Variants in ANXA3 observed in about 807,000 individuals in gnomAD.
The protein encoded by ANXA3 is annexin A3.
A neutral mutation model predicts 48.8 loss-of-function variants in ANXA3; 46 were observed. The ratio of observed to expected loss-of-function variants is 0.94; its 90% confidence interval spans 0.74 to 1.21. The LOEUF (loss-of-function observed/expected upper bound fraction) is 1.21, where lower values mean the gene tolerates loss of function less well. Ranked by LOEUF, ANXA3 falls within the 50% of genes most tolerant of loss-of-function variation. The pLI is 0.00. For missense variants in ANXA3, 383 were observed against 378.6 expected, an observed-to-expected ratio of 1.01 and a Z score of -0.10; for synonymous variants, 128 against 134.7, an observed-to-expected ratio of 0.95 and a Z score of 0.35.
chr4:78,554,462 AG>A lies in ANXA3; in HGVS notation c.-10del, dbSNP rs762816392. 6.2e-7 allele frequency: 1 copy of A among 1,612,326 alleles called. No homozygotes were observed. The highest frequency in any genetic ancestry group is 8.5e-7 in the Non-Finnish European group (1 of 1,178,852). ...TTAGTGTGATCTCAGCTCAAGGCAAAGGTGGGATATCATGGCATCTATCTGG... is the reference window on the plus strand; with the variant it reads ...TTAGTGTGATCTCAGCTCAAGGCAAAGTGGGATATCATGGCATCTATCTGG... On this transcript the variant is annotated 5_prime_UTR_variant, in exon 2 of 13. Transcript: ENST00000264908.
At chr4:78,592,829 G>A (rs998664589) in intron 7 of ANXA3, among the ~76,000 whole-genome samples, 5 of 152,258 alleles carry the variant, frequency 3.3e-5, no homozygotes, top group Middle Eastern at 3.4e-3. Flanking sequence ...TATTAAGACC[G>A]ATGATAATCA....
intron 3 of ANXA3, among the ~76,000 whole-genome samples, chr4:78,578,425 G>C (rs1723007684): frequency 6.6e-6 from 1 of 151,980 alleles, no homozygotes; most frequent in African/African-American, 2.4e-5. Context: ...ATGCATGAGA[G>C]AGATGTGGAC....
intron 1 of ANXA3, among the ~76,000 whole-genome samples, chr4:78,553,139 G>A (rs1281022300): frequency 6.6e-6 from 1 of 152,148 alleles, no homozygotes; most frequent in Non-Finnish European, 1.5e-5. Context: ...GCAGATTAAG[G>A]CAGAAGCATG....
chr4:78,565,381 G>A (rs992897572), intron 2 of ANXA3, among the ~76,000 whole-genome samples: 2 of 152,230 alleles, frequency 1.3e-5, no homozygotes, highest in South Asian at 2.1e-4. Context: ...GTTCAAGTAC[G>A]GGAGAGCGAT....
rs1560446091 is a variant in ANXA3 at position 78,582,303 on chromosome 4, C to CA, written c.312+14dup. On this transcript the variant is annotated intron_variant, in intron 5 of 12. Coordinates refer to ENST00000264908, the MANE Select transcript of ANXA3 (RefSeq NM_005139.3). ...GAAATCCATGAAGGTATGAGCCCCC[C>CA]ACAAGCCATTTCTGCCCAGGGTTTG... is the stretch of plus-strand genomic sequence containing the variant. 1.3e-6 allele frequency: 2 copies of CA among 1,565,550 alleles called. No individual in the cohort carries two copies. The highest frequency in any genetic ancestry group is 1.8e-6 in the Non-Finnish European group (2 of 1,137,054).
intron 2 of ANXA3, among the ~76,000 whole-genome samples, chr4:78,572,278 G>A (rs1056674596): frequency 1.3e-5 from 2 of 152,082 alleles, no homozygotes; most frequent in Non-Finnish European, 2.9e-5. Context: ...TGAGATATGG[G>A]GTAGATATCA....
intron 11 of ANXA3, chr4:78,603,575 C>A (rs1031066376): frequency 2.6e-5 from 4 of 152,224 alleles, no homozygotes; most frequent in Admixed American, 6.5e-5. Flanking sequence ...CTTCCTTCTA[C>A]TCCTACCTTG....
chr4:78,581,076 C>T (rs1031396055), intron 4 of ANXA3, among the ~76,000 whole-genome samples: 1 of 152,094 alleles, frequency 6.6e-6, no homozygotes, highest in Non-Finnish European at 1.5e-5. Context: ...TGAAATTTAC[C>T]ATTTAGAGAG....
chr4:78,580,150 GA>G (rs1238453252), intron 4 of ANXA3, among the ~76,000 whole-genome samples: 1 of 152,192 alleles, frequency 6.6e-6, no homozygotes, highest in African/African-American at 2.4e-5. Flanking sequence ...TAAGTGATAT[GA>G]AAGAATTAAA....
At chr4:78,578,298 C>CGAGAGT (rs1451574068) in intron 3 of ANXA3, among the ~76,000 whole-genome samples, 3 of 46,516 alleles carry the variant, frequency 6.4e-5, no homozygotes, top group East Asian at 1.3e-3. Flanking sequence ...AGAGAGAGAG[C>CGAGAGT]GAGAGAGAGA....
At position 78,601,388 on chromosome 4, in the gene ANXA3, T is replaced by C. The variant is rs955279627; in HGVS notation, c.731-122T>C. The C allele has an allele frequency of 3.2e-5, 25 of 793,290 alleles. No homozygotes were observed. In the Admixed American group the frequency reaches 5.8e-4, roughly 18 times the overall value. The allele number at this position is 793,290 out of a possible 1,614,324, so 49.1% of individuals were successfully genotyped here. A position where few individuals can be genotyped will look rare whatever the true frequency, so the allele number is the denominator to read the frequency against. Reference sequence around the variant, plus strand: ...TTCTTTCATTCCAAGTAAAAGCCAGTTGTGGGGAGGGGATAGAGTGGTATG... The same window carrying C: ...TTCTTTCATTCCAAGTAAAAGCCAGCTGTGGGGAGGGGATAGAGTGGTATG... On this transcript the variant is annotated intron_variant, in intron 10 of 12. Coordinates refer to ENST00000264908, the MANE Select transcript of ANXA3 (RefSeq NM_005139.3).
In ANXA3 at chr4:78,595,410, T is replaced by A; in HGVS notation, c.513T>A (p.Asp171Glu). ...GAAGAGATGAAAGTCTGAAAGTGGA[T>A]GAGCATCTGGCCAAACAAGATGCCC... ...DGRRDESLKVDEHLAKQDAQI... is the reference protein window; with the variant it reads ...DGRRDESLKVEEHLAKQDAQI... Residue 171 changes from aspartate (D) to glutamate (E), a missense_variant, in exon 8 of 13, where the codon GAT becomes GAA. Asp to Glu is a conservative substitution (Grantham distance 45). Transcript: ENST00000264908. The A allele has an allele frequency of 1.9e-6, 3 of 1,613,414 alleles. No individual in the cohort carries two copies. Among genetic ancestry groups the A allele is most frequent in the Non-Finnish European group, 1.7e-6 (2 of 1,179,824 alleles).
intron 12 of ANXA3, among the ~76,000 whole-genome samples, chr4:78,605,727 T>C (rs1229427218): frequency 6.6e-6 from 1 of 152,206 alleles, no homozygotes; most frequent in African/African-American, 2.4e-5. Context: ...ATGAAACCCA[T>C]TTTCATTGTT....
chr4:78,598,285 T>C (rs1205511330), intron 10 of ANXA3, among the ~76,000 whole-genome samples: 1 of 147,548 alleles, frequency 6.8e-6, no homozygotes, highest in Non-Finnish European at 1.5e-5. Context: ...TTTTCTTTTC[T>C]TTCTTTCTTT....
Position 78,577,242 on chromosome 4 carries a change from C to T in ANXA3, c.104-1785C>T, listed in dbSNP as rs544582660. ...AGGAGCAGAGGGCATGCAGAGGAGA[C>T]GACAAATTTAAGAGATGCAGATAAT... On this transcript the variant is annotated intron_variant, in intron 3 of 12. Transcript: ENST00000264908. 5.6e-4 allele frequency among the ~76,000 whole-genome samples: 85 copies of T among 151,860 alleles called. 1 individual carries two copies. The highest frequency in any genetic ancestry group is 1.3e-3 in the African/African-American group (53 of 41,380).
chr4:78,598,171 TA>T lies in ANXA3; in HGVS notation c.730+764del, dbSNP rs1174332341. The stretch of plus-strand genomic sequence containing the variant: ...CATAGCAAGATCTTGTCTCTTTAAT[TA>T]AAAAAACCACACACACACACACACA... On this transcript the variant is annotated intron_variant, in intron 10 of 12. Coordinates refer to ENST00000264908, the MANE Select transcript of ANXA3 (RefSeq NM_005139.3). Among the ~76,000 whole-genome samples, 13 of 146,150 alleles carry T rather than the reference TA, an allele frequency of 8.9e-5. No homozygotes were observed. In the East Asian group the frequency reaches 2.2e-3, roughly 24 times the overall value.
chr4:78,594,572 G>A (rs932968837), intron 7 of ANXA3, among the ~76,000 whole-genome samples: 5 of 152,186 alleles, frequency 3.3e-5, no homozygotes, highest in Admixed American at 1.3e-4. Context: ...TTGGATTTAA[G>A]CCCTTCTAAT....
Position 78,586,181 on chromosome 4 carries a change from A to G in ANXA3, c.313-79A>G, listed in dbSNP as rs1723172120. 7.4e-6 allele frequency: 8 copies of G among 1,080,362 alleles called. No individual in the cohort carries two copies. The South Asian group carries it at 1.1e-4, about 15-fold the overall frequency. The allele number at this position is 1,080,362 out of a possible 1,614,324, so 66.9% of individuals were successfully genotyped here. On this transcript the variant is annotated intron_variant, in intron 5 of 12. Transcript: ENST00000264908. The stretch of plus-strand genomic sequence containing the variant: ...CTTAAAAGTGTCCTTTCATCTATAT[A>G]AACAAGATAATAAGACCAAAAGGCA...
At chr4:78,590,260 T>C (rs1723261874) in intron 6 of ANXA3, among the ~76,000 whole-genome samples, 1 of 152,248 alleles carries the variant, frequency 6.6e-6, no homozygotes, top group South Asian at 2.1e-4. Context: ...TTAGGTTTAA[T>C]GATGCCTACT....
Sources: gnomAD v4.1 joint callset for allele counts (sites outside exome capture counted in the v4.1 genomes callset) on GRCh38, gnomAD v4.1.1 for gene constraint, MANE v1.5 for transcripts, NCBI Gene and HGNC (gene_info 2026-07-23, HGNC 2026-07-21) for gene names.